The following NDUFAF6 variants were observed in gnomAD, a reference collection of about 807,000 sequenced individuals.
NDUFAF6 encodes the protein NADH:ubiquinone oxidoreductase complex assembly factor 6, also known as NADH dehydrogenase (ubiquinone) complex I, assembly factor 6.
Under a neutral mutation model 40.8 loss-of-function variants are expected in NDUFAF6, and 45 were observed. The ratio of observed to expected loss-of-function variants is 1.10; its 90% CI spans 0.87 to 1.42. NDUFAF6 has a LOEUF of 1.42. NDUFAF6 is among the 40% of genes most tolerant of loss of function. The pLI, the probability that NDUFAF6 is intolerant of heterozygous loss-of-function variation, is 0.00. For missense variants in NDUFAF6, 435 were observed against 418.5 expected, an observed-to-expected ratio of 1.04 and a Z score of -0.34; for synonymous variants, 185 against 155.9, an observed-to-expected ratio of 1.19 and a Z score of -1.39.
chr8:95,051,278 A>G (rs896292401), intron 7 of NDUFAF6, among the ~76,000 whole-genome samples: 6 of 152,178 alleles, frequency 3.9e-5, no homozygotes. Context: ...AGAAGGAAAG[A>G]ATGTTCAGAG....
upstream of NDUFAF6, among the ~76,000 whole-genome samples, chr8:94,955,466 A>C (rs568076201): frequency 6.6e-6 from 1 of 152,314 alleles, no homozygotes; most frequent in South Asian, 2.1e-4. Context: ...TCACCTCTTA[A>C]AGGTCCACCT....
At chr8:95,115,058 TAAAAA>T (rs56365274) in intron 4 of NDUFAF6, among the ~76,000 whole-genome samples, 125,031 of 148,922 alleles carry the variant, frequency 0.84, 52,706 homozygotes, top group East Asian at 1. Flanking sequence ...CGAGACTGTT[TAAAAA>T]AAAAAAAAAA....
chr8:95,043,379 G>A (rs538853978), intron 4 of NDUFAF6, among the ~76,000 whole-genome samples: 10 of 151,876 alleles, frequency 6.6e-5, no homozygotes, highest in African/African-American at 1.9e-4. Context: ...TTGAGCCACC[G>A]CGCCCTAGGC....
intron 9 of NDUFAF6, among the ~76,000 whole-genome samples, chr8:95,073,455 C>G (rs983064871): frequency 8.5e-5 from 13 of 152,322 alleles, no homozygotes; most frequent in African/African-American, 2.9e-4. Context: ...GGTGAAGTCG[C>G]AGGTGCGCTC....
At chr8:94,965,417 G>A (rs567677286) in intron 1 of NDUFAF6, among the ~76,000 whole-genome samples, 5 of 152,276 alleles carry the variant, frequency 3.3e-5, no homozygotes, top group African/African-American at 1.2e-4. Flanking sequence ...ACTGCTTCTG[G>A]AATTTGGATT....
chr8:95,049,010 T>C (rs572529994), intron 7 of NDUFAF6, among the ~76,000 whole-genome samples: 49 of 152,318 alleles, frequency 3.2e-4, no homozygotes, highest in Admixed American at 8.5e-4. Context: ...TGGATCCTTC[T>C]GTTGGTATTT....
intron 2 of NDUFAF6, among the ~76,000 whole-genome samples, chr8:95,089,603 G>A (rs896213577): frequency 6.6e-6 from 1 of 152,088 alleles, no homozygotes; most frequent in African/African-American, 2.4e-5. Flanking sequence ...TTCTAGTATG[G>A]TGGTATCAGC....
At chr8:94,977,015 G>A (rs1270419719) in intron 1 of NDUFAF6, among the ~76,000 whole-genome samples, 2 of 151,812 alleles carry the variant, frequency 1.3e-5, no homozygotes. Flanking sequence ...GCCAAGCGTG[G>A]TGGCACACAC....
In NDUFAF6 at chr8:95,034,432, C is replaced by T. The variant is rs569440097; in HGVS notation, c.298-1022C>T. Among the ~76,000 whole-genome samples, 67 of 152,164 alleles carry T rather than the reference C, an allele frequency of 4.4e-4. 2 individuals carry two copies. The highest frequency in any genetic ancestry group is 1.6e-3 in the African/African-American group (65 of 41,510). On this transcript the variant is annotated intron_variant, in intron 2 of 8. Coordinates refer to ENST00000396124, the MANE Select transcript of NDUFAF6 (RefSeq NM_152416.4). ...AGTAAGGTCTTTTATGGCATTTTTT[C>T]CCCCTTCTGTATGGGATCTAATCTA...
chr8:94,922,685 G>T (rs1819586523), intron 1 of NDUFAF6, among the ~76,000 whole-genome samples: 1 of 151,832 alleles, frequency 6.6e-6, no homozygotes, highest in Non-Finnish European at 1.5e-5. Context: ...CACCACATTG[G>T]CCAGGCTGGT....
downstream of NDUFAF6, among the ~76,000 whole-genome samples, chr8:95,059,218 C>T (rs1832504761): frequency 6.6e-6 from 1 of 152,094 alleles, no homozygotes; most frequent in African/African-American, 2.4e-5. Flanking sequence ...TGTCTCCTGC[C>T]CCATTCGGCT....
Position 95,025,163 on chromosome 8 carries a change from C to T in NDUFAF6, c.155C>T (p.Pro52Leu). The T allele has an allele frequency of 2.7e-6, 4 of 1,481,916 alleles. No individual in the cohort carries two copies. The highest frequency in any genetic ancestry group is 2.4e-5 in the Admixed American group (1 of 41,336). The allele number at this position is 1,481,916 out of a possible 1,614,324, so 91.8% of individuals were successfully genotyped here. The part of the protein sequence containing the change: ...SGRSVAAASG[P>L]GAWGTDHYCL... ...CGGAGCGTGGCTGCGGCCAGCGGAC[C>T]GGGCGCCTGGGGCACTGACCACTAC... The change falls in exon 1 of 9, where the codon CCG becomes CTG. Residue 52 changes from proline to leucine, a missense_variant. Coordinates refer to ENST00000396124, the MANE Select transcript of NDUFAF6 (RefSeq NM_152416.4).
intron 4 of NDUFAF6, among the ~76,000 whole-genome samples, chr8:95,112,091 T>C (rs187068526): frequency 5.6e-4 from 85 of 152,308 alleles, no homozygotes; most frequent in African/African-American, 1.9e-3. Context: ...CACCTCCTAA[T>C]CCTTGGAACC....
chr8:94,940,914 C>T, intron 1 of NDUFAF6: 1 of 1,613,852 alleles, frequency 6.2e-7, no homozygotes, highest in Non-Finnish European at 8.5e-7. Context: ...ACTTCACCCA[C>T]AAACATTTTA....
Position 95,058,418 on chromosome 8 carries a change from C to T in NDUFAF6, c.*481C>T. ...AGTGAAATTAATATTTGAGGAATAT[C>T]AGTCACGTGTTGTGGGCTTTTATCC... On this transcript the variant is annotated 3_prime_UTR_variant, in exon 9 of 9. Coordinates refer to ENST00000396124, the MANE Select transcript of NDUFAF6 (RefSeq NM_152416.4). The T allele has an allele frequency of 8.1e-7, 1 of 1,232,816 alleles. No individual in the cohort carries two copies. Among genetic ancestry groups the T allele is most frequent in the Non-Finnish European group, 1.0e-6 (1 of 988,708 alleles). The allele number at this position is 1,232,816 out of a possible 1,614,324, so 76.4% of individuals were successfully genotyped here. A position where few individuals can be genotyped will look rare whatever the true frequency, so the allele number is the denominator to read the frequency against.
intron 1 of NDUFAF6, 114 bp downstream of exon 1, chr8:95,025,319 C>A: frequency 9.0e-7 from 1 of 1,105,304 alleles, no homozygotes; most frequent in Non-Finnish European, 1.2e-6. Flanking sequence ...CTTCCTCGTG[C>A]CCCTCTGGGT....
intron 2 of NDUFAF6, among the ~76,000 whole-genome samples, chr8:94,992,360 A>C (rs190319820): frequency 1.0e-3 from 157 of 152,176 alleles, no homozygotes; most frequent in African/African-American, 3.5e-3. Context: ...GGTGGTGTGC[A>C]CCTGCAGTCC....
At chr8:95,065,038 A>G (rs528706016) in intron 9 of NDUFAF6, among the ~76,000 whole-genome samples, 2 of 152,314 alleles carry the variant, frequency 1.3e-5, no homozygotes, top group South Asian at 4.1e-4. Flanking sequence ...CAGGGAGGGC[A>G]TGAAAGCTTC....
At chr8:94,950,996 G>A (rs1305311106) in intron 2 of NDUFAF6, 2 of 152,204 alleles carry the variant, frequency 1.3e-5, no homozygotes, top group African/African-American at 4.8e-5. Context: ...TGAAGTGGGT[G>A]TATTTTTCTT....
Sources: gnomAD v4.1 joint callset for allele counts (sites outside exome capture counted in the v4.1 genomes callset) on GRCh38, gnomAD v4.1.1 for gene constraint, MANE v1.5 for transcripts, NCBI Gene and HGNC (gene_info 2026-07-23, HGNC 2026-07-21) for gene names.